The following PELI2 variants were observed in gnomAD, a reference collection of about 807,000 sequenced individuals.
The protein encoded by PELI2 is E3 ubiquitin-protein ligase pellino homolog 2.
A neutral mutation model predicts 42.3 loss-of-function variants in PELI2; 23 were observed. The ratio of observed to expected loss-of-function variants is 0.54; its 90% CI spans 0.39 to 0.77. The LOEUF is 0.77. PELI2 is among the 30% of genes least tolerant of loss of function. PELI2 has a pLI of 0.00. For missense variants in PELI2, 463 were observed against 553.2 expected (o/e 0.84, Z 1.64); for synonymous variants, 245 against 212.2 (o/e 1.15, Z -1.34).
intron 2 of PELI2, among the ~76,000 whole-genome samples, chr14:56,250,965 T>C (rs1888323846): frequency 6.6e-6 from 1 of 151,354 alleles, no homozygotes; most frequent in South Asian, 2.1e-4. Context: ...GAAAGAGTGC[T>C]CTTAGCCCAA....
At chr14:56,259,182 A>G (rs1303924649) in intron 2 of PELI2, among the ~76,000 whole-genome samples, 1 of 152,162 alleles carries the variant, frequency 6.6e-6, no homozygotes, top group African/African-American at 2.4e-5. Context: ...AAAAGCTAAA[A>G]ACAGTTATCA....
At chr14:56,210,418 T>C (rs1290038545) in intron 2 of PELI2, among the ~76,000 whole-genome samples, 1 of 152,140 alleles carries the variant, frequency 6.6e-6, no homozygotes, top group East Asian at 1.9e-4. Context: ...GTAAGCCTTT[T>C]AGAATGATTT....
chr14:56,184,078 T>G (rs887696618), intron 2 of PELI2, among the ~76,000 whole-genome samples: 11 of 152,188 alleles, frequency 7.2e-5, no homozygotes, highest in African/African-American at 2.6e-4. Flanking sequence ...AAATAACATA[T>G]TTGAGACCTT....
intron 2 of PELI2, among the ~76,000 whole-genome samples, chr14:56,229,589 G>A (rs540896821): frequency 3.3e-5 from 5 of 152,308 alleles, no homozygotes; most frequent in Admixed American, 1.3e-4. Context: ...AACCCCATCT[G>A]TACGTCACCA....
chr14:56,172,076 G>T (rs534051241), intron 1 of PELI2, among the ~76,000 whole-genome samples: 1 of 152,248 alleles, frequency 6.6e-6, no homozygotes, highest in South Asian at 2.1e-4. Flanking sequence ...AGGGTTTGGG[G>T]CTTCCTGTTC....
chr14:56,285,137 A>G (rs1490674681), intron 3 of PELI2, among the ~76,000 whole-genome samples: 1 of 152,234 alleles, frequency 6.6e-6, no homozygotes, highest in African/African-American at 2.4e-5. Context: ...GGTGGCAAGT[A>G]TGAAAACAGG....
At chr14:56,224,559 A>G (rs575554579) in intron 2 of PELI2, among the ~76,000 whole-genome samples, 2 of 152,340 alleles carry the variant, frequency 1.3e-5, no homozygotes, top group South Asian at 2.1e-4. Context: ...AGTATAATGT[A>G]AAGTGTTATG....
chr14:56,129,363 G>A (rs1478035946), intron 1 of PELI2, among the ~76,000 whole-genome samples: 1 of 152,276 alleles, frequency 6.6e-6, no homozygotes, highest in African/African-American at 2.4e-5. Flanking sequence ...GATGGCAAGG[G>A]TGAGGTGAGA....
At chr14:56,280,932 A>G (rs1889463310) in intron 3 of PELI2, among the ~76,000 whole-genome samples, 1 of 152,150 alleles carries the variant, frequency 6.6e-6, no homozygotes, top group South Asian at 2.1e-4. Context: ...AGAAATATAA[A>G]TGGCCAATAA....
intron 3 of PELI2, among the ~76,000 whole-genome samples, chr14:56,280,425 AAG>A (rs1164554903): frequency 1.4e-4 from 22 of 152,128 alleles, no homozygotes; most frequent in Non-Finnish European, 3.2e-4. Flanking sequence ...ATTTAAAAAA[AAG>A]AGAATTAATG....
chr14:56,165,423 CTTGT>C lies in PELI2; in HGVS notation c.78-12909_78-12906del, dbSNP rs896228096. On this transcript the variant is annotated intron_variant, in intron 1 of 5. Transcript: ENST00000267460. ...TTCAAATTTTTTGAATGTTTTAAGA[CTTGT>C]TTAACATTTGTTTTCAAATAGCCTG... Among the ~76,000 whole-genome samples, 23 of 152,132 alleles carry C rather than the reference CTTGT, an allele frequency of 1.5e-4. 1 individual carries two copies. The highest frequency in any genetic ancestry group is 5.5e-4 in the African/African-American group (23 of 41,536).
intron 1 of PELI2, among the ~76,000 whole-genome samples, chr14:56,121,090 T>C (rs1310402577): frequency 1.3e-5 from 2 of 152,200 alleles, no homozygotes; most frequent in Non-Finnish European, 2.9e-5. Flanking sequence ...TAATATCATC[T>C]TTATGATATT....
At chr14:56,162,102 G>A (rs1884786686) in intron 1 of PELI2, among the ~76,000 whole-genome samples, 1 of 152,138 alleles carries the variant, frequency 6.6e-6, no homozygotes, top group Admixed American at 6.5e-5. Context: ...ATCCCCTCAA[G>A]CATGTGAGTT....
intron 2 of PELI2, among the ~76,000 whole-genome samples, chr14:56,179,718 G>A (rs1300687378): frequency 6.6e-6 from 1 of 152,196 alleles, no homozygotes; most frequent in Non-Finnish European, 1.5e-5. Flanking sequence ...GGTCAAGGAA[G>A]TAGGAGAAAC....
chr14:56,287,343 A>G (rs1889678790), intron 3 of PELI2, among the ~76,000 whole-genome samples: 1 of 152,202 alleles, frequency 6.6e-6, no homozygotes, highest in East Asian at 1.9e-4. Context: ...AGTCTTCATT[A>G]CTTTTCTAAT....
rs1403337217 is a variant in PELI2, at chr14:56,126,624, G to A, written c.77+7887G>A. Among the ~76,000 whole-genome samples, 4 of 152,048 alleles carry A rather than the reference G, an allele frequency of 2.6e-5. 1 individual carries two copies. The highest frequency in any genetic ancestry group is 9.7e-5 in the African/African-American group (4 of 41,372). On this transcript the variant is annotated intron_variant, in intron 1 of 5. Transcript: ENST00000267460. ...CCAAGTGCCTCGGAGGACCTCGGTG[G>A]CCCCCCTCCTTTCCCATCTTGTGCT... is the stretch of plus-strand genomic sequence containing the variant.
chr14:56,231,011 G>A (rs995763832), intron 2 of PELI2, among the ~76,000 whole-genome samples: 1 of 152,124 alleles, frequency 6.6e-6, no homozygotes, highest in Non-Finnish European at 1.5e-5. Flanking sequence ...GACAAAGAAG[G>A]CCATTACATA....
intron 2 of PELI2, among the ~76,000 whole-genome samples, chr14:56,234,559 C>G (rs1566655012): frequency 6.6e-6 from 1 of 152,062 alleles, no homozygotes; most frequent in East Asian, 1.9e-4. Flanking sequence ...AATGAGAACA[C>G]TTGGACACAG....
chr14:56,271,523 T>C (rs1398588939), intron 2 of PELI2, among the ~76,000 whole-genome samples: 1 of 152,216 alleles, frequency 6.6e-6, no homozygotes, highest in African/African-American at 2.4e-5. Context: ...ATTTAGATTT[T>C]ATAGTGGACT....
Sources: allele counts gnomAD v4.1 joint callset (sites outside exome capture counted in the v4.1 genomes callset), GRCh38; gene constraint gnomAD v4.1.1; transcripts MANE v1.5; gene names NCBI Gene and HGNC (gene_info 2026-07-23, HGNC 2026-07-21).